The following IQCH variants were observed in gnomAD, a reference collection of about 807,000 sequenced individuals.
IQCH encodes the protein IQ motif containing H.
IQCH carries 98 observed loss-of-function variants against 117.0 expected under a neutral mutation model. The ratio of observed to expected loss-of-function variants is 0.84; its 90% confidence interval spans 0.71 to 0.99. The LOEUF is 0.99. Among genes scored for constraint, IQCH ranks in the 50% least tolerant of loss-of-function variants. The pLI is 0.00. For missense variants in IQCH, 1,102 were observed against 1,243.8 expected (o/e 0.89, Z 1.72); for synonymous variants, 412 against 448.2 (o/e 0.92, Z 1.02).
At chr15:67,349,869 A>T (rs984853353) in intron 6 of IQCH, among the ~76,000 whole-genome samples, 1 of 152,222 alleles carries the variant, frequency 6.6e-6, no homozygotes, top group Non-Finnish European at 1.5e-5. Flanking sequence ...CCACAGTGGG[A>T]TACCACTACA....
rs1192878687 is a variant in IQCH, at chr15:67,388,110, T to C, written c.1457-721T>C. Among the ~76,000 whole-genome samples, 1 of 152,238 alleles carries C rather than the reference T, an allele frequency of 6.6e-6. No individual in the cohort carries two copies. Among genetic ancestry groups the C allele is most frequent in the Non-Finnish European group, 1.5e-5 (1 of 68,048 alleles). ...TTTCCTATTCATACTCCCTGAAATA[T>C]TCTGCAGCATGGAGTGGATACTCTC... On this transcript the variant is annotated intron_variant, in intron 11 of 20. Coordinates refer to ENST00000335894, the MANE Select transcript of IQCH (RefSeq NM_001031715.3). The surrounding 1 kb of genome is among the most constrained non-coding windows in gnomAD (Gnocchi z 5.5).
rs975152092 is a variant in IQCH, at chr15:67,427,210, T to C, written c.2505+5633T>C. Among the ~76,000 whole-genome samples, 2 of 152,224 alleles carry C rather than the reference T, an allele frequency of 1.3e-5. No homozygotes were observed. Among genetic ancestry groups the C allele is most frequent in the African/African-American group, 2.4e-5 (1 of 41,458 alleles). ...TGCTTAGTCAGTTTACTTATTTGTTTAATGTAACTAATCTCCCAACCACTC... is the reference window on the plus strand; with the variant it reads ...TGCTTAGTCAGTTTACTTATTTGTTCAATGTAACTAATCTCCCAACCACTC... On this transcript the variant is annotated intron_variant, in intron 16 of 20. Coordinates refer to ENST00000335894, the MANE Select transcript of IQCH (RefSeq NM_001031715.3). This position sits in a 1 kb window ranked among gnomAD's most constrained non-coding sequence, Gnocchi z 4.7.
At chr15:67,322,769 A>C (rs1027636433) in intron 4 of IQCH, among the ~76,000 whole-genome samples, 27 of 138,680 alleles carry the variant, frequency 1.9e-4, no homozygotes, top group African/African-American at 7.1e-4. Flanking sequence ...AACAGCTCTC[A>C]GTGGACAGGG....
At position 67,359,049 on chromosome 15, in the gene IQCH, A is replaced by T. The variant is rs1970027283; in HGVS notation, c.715-798A>T. On this transcript the variant is annotated intron_variant, in intron 7 of 20. Transcript: ENST00000335894. The surrounding 1 kb of genome is among the most constrained non-coding windows in gnomAD (Gnocchi z 4.5). ...AGGCGAGTGTTTGGCCTGCACCATTATTGTTTCAAATTCAGCTGTTTAACA... is the reference window on the plus strand; with the variant it reads ...AGGCGAGTGTTTGGCCTGCACCATTTTTGTTTCAAATTCAGCTGTTTAACA... 6.6e-6 allele frequency among the ~76,000 whole-genome samples: 1 copy of T among 152,210 alleles called. No individual in the cohort carries two copies. The highest frequency in any genetic ancestry group is 2.1e-4 in the South Asian group (1 of 4,836).
rs892951940 is a variant in IQCH, at chr15:67,405,833, A to G, written c.2097+5528A>G. The stretch of plus-strand genomic sequence containing the variant: ...TTCCAGAGATTTGTGGGAAACGCAA[A>G]TATTCCTGGAACACAGAGGCCACTG... On this transcript the variant is annotated intron_variant, in intron 14 of 20. Transcript: ENST00000335894. The surrounding 1 kb of genome is among the most constrained non-coding windows in gnomAD (Gnocchi z 4.8). The G allele has an allele frequency of 2.0e-5, 3 of 152,234 alleles. No homozygotes were observed. The highest frequency in any genetic ancestry group is 4.8e-5 in the African/African-American group (2 of 41,446). The allele number at this position is 152,234 out of a possible 1,614,324, so 9.4% of individuals were successfully genotyped here.
At chr15:67,439,747 G>A (rs1223490767) in intron 16 of IQCH, among the ~76,000 whole-genome samples, 2 of 151,974 alleles carry the variant, frequency 1.3e-5, no homozygotes, top group Non-Finnish European at 2.9e-5. Flanking sequence ...AAATAGCTGG[G>A]CGTGATGATG....
intron 4 of IQCH, among the ~76,000 whole-genome samples, chr15:67,321,112 C>T (rs1968097063): frequency 6.6e-6 from 1 of 152,168 alleles, no homozygotes; most frequent in African/African-American, 2.4e-5. Context: ...ATATTACATA[C>T]TTTCCTTCAT....
intron 6 of IQCH, among the ~76,000 whole-genome samples, chr15:67,346,643 C>G (rs1358950973): frequency 2.6e-5 from 4 of 152,094 alleles, no homozygotes; most frequent in Non-Finnish European, 5.9e-5. Flanking sequence ...GCCACAGTAC[C>G]CAGTCTGTGG....
chr15:67,451,820 G>A (rs1322158479), intron 16 of IQCH, among the ~76,000 whole-genome samples: 1 of 152,134 alleles, frequency 6.6e-6, no homozygotes, highest in Non-Finnish European at 1.5e-5. Context: ...TGTTGACAGT[G>A]GGGTGTTAAA....
At chr15:67,321,811 A>G (rs1203907095) in intron 4 of IQCH, among the ~76,000 whole-genome samples, 2 of 152,112 alleles carry the variant, frequency 1.3e-5, no homozygotes, top group Non-Finnish European at 2.9e-5. Context: ...TTCCATATTC[A>G]TATCTGTCCT....
In IQCH at chr15:67,490,006, A is replaced by G; in HGVS notation, c.2803A>G (p.Arg935Gly). 4 of 1,605,678 alleles carry G rather than the reference A, an allele frequency of 2.5e-6. No homozygotes were observed. Among genetic ancestry groups the G allele is most frequent in the Non-Finnish European group, 3.4e-6 (4 of 1,172,812 alleles). The stretch of plus-strand genomic sequence containing the variant: ...TCTCCCCATTCAAATTTTACAGGAA[A>G]GGCAAGGAACTGTTTTTATATTATA... Reference protein sequence around the residue: ...AHGIGYDVEERQGTVFILYEH... With the variant: ...AHGIGYDVEEGQGTVFILYEH... Residue 935 changes from arginine to glycine, a missense_variant, in exon 19 of 21, where the codon AGG (arginine) becomes GGG (glycine). Arg to Gly is a moderately radical substitution (Grantham distance 125, BLOSUM62 -2). Transcript: ENST00000335894. This position sits in a 1 kb window ranked among gnomAD's most constrained non-coding sequence, Gnocchi z 4.9.
intron 3 of IQCH, among the ~76,000 whole-genome samples, chr15:67,275,569 T>C (rs192101719): frequency 4.6e-5 from 7 of 152,262 alleles, no homozygotes. Flanking sequence ...TTTCAACATA[T>C]ATGAAAAAAT....
At chr15:67,344,364 T>C (rs1001332483) in intron 6 of IQCH, among the ~76,000 whole-genome samples, 173 bp downstream of exon 6, 3 of 152,224 alleles carry the variant, frequency 2.0e-5, no homozygotes, top group Admixed American at 6.5e-5. Flanking sequence ...ATAATTCTAT[T>C]TACAATATAT....
rs1308348612 is a variant in IQCH at position 67,481,385 on chromosome 15, A to T, written c.2799+5567A>T. On this transcript the variant is annotated intron_variant, in intron 18 of 20. Transcript: ENST00000335894. The surrounding 1 kb of genome is among the most constrained non-coding windows in gnomAD (Gnocchi z 4.1). ...GAGAAGTGCCGAGCAAAGGGGGAAC[A>T]TCCCCTTATAAAATCATCAGATTGA... Among the ~76,000 whole-genome samples, 1 of 152,186 alleles carries T rather than the reference A, an allele frequency of 6.6e-6. No homozygotes were observed. Among genetic ancestry groups the T allele is most frequent in the Non-Finnish European group, 1.5e-5 (1 of 68,028 alleles).
At chr15:67,450,819 G>A (rs1427938162) in intron 16 of IQCH, among the ~76,000 whole-genome samples, 2 of 150,378 alleles carry the variant, frequency 1.3e-5, no homozygotes, top group African/African-American at 4.9e-5. Flanking sequence ...TCTTTGTACC[G>A]CTGGTAGAAT....
chr15:67,387,966 G>A lies in IQCH; in HGVS notation c.1457-865G>A, dbSNP rs1234161237. On this transcript the variant is annotated intron_variant, in intron 11 of 20. Coordinates refer to ENST00000335894, the MANE Select transcript of IQCH (RefSeq NM_001031715.3). This position sits in a 1 kb window ranked among gnomAD's most constrained non-coding sequence, Gnocchi z 4.8. Reference sequence around the variant, plus strand: ...AAGTACCTGGTCTGCATGCTTCATCGTGCCCACAATGATTACTGTATTTCC... The same window carrying A: ...AAGTACCTGGTCTGCATGCTTCATCATGCCCACAATGATTACTGTATTTCC... 1.3e-5 allele frequency among the ~76,000 whole-genome samples: 2 copies of A among 152,090 alleles called. No individual in the cohort carries two copies. The highest frequency in any genetic ancestry group is 2.9e-5 in the Non-Finnish European group (2 of 68,036).
intron 16 of IQCH, among the ~76,000 whole-genome samples, chr15:67,429,368 A>G (rs2081969288): frequency 6.6e-6 from 1 of 152,164 alleles, no homozygotes; most frequent in African/African-American, 2.4e-5. Flanking sequence ...TTTTTTAAAA[A>G]TTAGCTGGAC....
chr15:67,396,976 G>A (rs1971491924), intron 13 of IQCH, among the ~76,000 whole-genome samples: 1 of 152,214 alleles, frequency 6.6e-6, no homozygotes, highest in South Asian at 2.1e-4. Flanking sequence ...GGCAATTTTA[G>A]TAGGAGTGGA....
In IQCH at chr15:67,457,073, C is replaced by A. The variant is rs2082675043; in HGVS notation, c.2506-8054C>A. On this transcript the variant is annotated intron_variant, in intron 16 of 20. Transcript: ENST00000335894. The surrounding 1 kb of genome is among the most constrained non-coding windows in gnomAD (Gnocchi z 5.7). ...GGGTGACTGCCCTGTACAGCGACAA[C>A]TGCCGTTCTTCACTTCTCCAAGAGA... 6.6e-6 allele frequency among the ~76,000 whole-genome samples: 1 copy of A among 152,198 alleles called. No homozygotes were observed.
Sources: allele counts gnomAD v4.1 joint callset (sites outside exome capture counted in the v4.1 genomes callset), GRCh38; gene constraint gnomAD v4.1.1; non-coding constraint Gnocchi (gnomAD v3.1); transcripts MANE v1.5; gene names NCBI Gene and HGNC (gene_info 2026-07-23, HGNC 2026-07-21).